Variants in IPMK observed in about 807,000 individuals in gnomAD.
The protein encoded by IPMK is inositol 1,3,4,6-tetrakisphosphate 5-kinase.
A neutral mutation model predicts 45.8 loss-of-function variants in IPMK; 17 were observed. The ratio of observed to expected loss-of-function variants is 0.37; its 90% CI spans 0.25 to 0.56. The LOEUF (loss-of-function observed/expected upper bound fraction) is 0.56, where lower values mean the gene tolerates loss of function less well. IPMK is among the 20% of genes least tolerant of loss of function. The pLI is 0.79. For missense variants in IPMK, 399 were observed against 498.0 expected, an observed-to-expected ratio of 0.80 and a Z score of 1.89; for synonymous variants, 180 against 184.3, an observed-to-expected ratio of 0.98 and a Z score of 0.19.
At chr10:58,220,492 CTA>C (rs1241388599) in intron 3 of IPMK, among the ~76,000 whole-genome samples, 7 of 152,196 alleles carry the variant, frequency 4.6e-5, no homozygotes, top group Non-Finnish European at 7.3e-5. Flanking sequence ...AATCTCAACT[CTA>C]TAATTTGCTA....
At chr10:58,237,279 T>A (rs1336582407) in intron 2 of IPMK, among the ~76,000 whole-genome samples, 1 of 152,108 alleles carries the variant, frequency 6.6e-6, no homozygotes, top group Non-Finnish European at 1.5e-5. Flanking sequence ...CCTTAACAGG[T>A]CATGTCTTCT....
intron 1 of IPMK, among the ~76,000 whole-genome samples, chr10:58,260,718 A>G (rs984156390): frequency 6.6e-6 from 1 of 152,208 alleles, no homozygotes; most frequent in African/African-American, 2.4e-5. Context: ...GGAAAAGCCT[A>G]GTAAACAATG....
At position 58,267,650 on chromosome 10, in the gene IPMK, A is replaced by T. The variant is rs1839173114; in HGVS notation, c.-39T>A. 7.0e-7 allele frequency: 1 copy of T among 1,418,850 alleles called. No individual in the cohort carries two copies. Among genetic ancestry groups the T allele is most frequent in the East Asian group, 2.5e-5 (1 of 40,396 alleles). The allele number at this position is 1,418,850 out of a possible 1,614,324, so 87.9% of individuals were successfully genotyped here. On this transcript the variant is annotated 5_prime_UTR_variant, in exon 1 of 6. Coordinates refer to ENST00000373935, the MANE Select transcript of IPMK (RefSeq NM_152230.5). ...AGCGGTAACGGCAGCGAGAGTAGGA[A>T]AAAAAATAGGGCGAGGGAGGGGGCG... is the stretch of plus-strand genomic sequence containing the variant.
intron 2 of IPMK, among the ~76,000 whole-genome samples, chr10:58,235,606 A>G (rs1013155514): frequency 1.3e-5 from 2 of 152,226 alleles, no homozygotes; most frequent in Non-Finnish European, 2.9e-5. Flanking sequence ...AATAGGTGGG[A>G]ATTGAACAAA....
intron 4 of IPMK, among the ~76,000 whole-genome samples, chr10:58,209,922 C>CAGT (rs1838132872): frequency 6.6e-6 from 1 of 152,192 alleles, no homozygotes. Context: ...GCAGTATTGG[C>CAGT]AGTAGGATCT....
chr10:58,257,849 T>C (rs1431917618), intron 1 of IPMK, among the ~76,000 whole-genome samples: 1 of 151,962 alleles, frequency 6.6e-6, no homozygotes, highest in African/African-American at 2.4e-5. Flanking sequence ...GAGAGACATA[T>C]CATAACAATA....
rs766345094 is a variant in IPMK, at chr10:58,196,365, T to C, written c.962A>G (p.His321Arg). ...ATGCTTTTTTGTATATATTTTCCTG[T>C]GACGCGCATACATCTTGGACAAGCT... is the stretch of plus-strand genomic sequence containing the variant. ...GKSLSKMYAR[H>R]RKIYTKKHHS... The change falls in exon 6 of 6, where the codon CAC becomes CGC. Residue 321 changes from histidine to arginine, a missense_variant. Coordinates refer to ENST00000373935, the MANE Select transcript of IPMK (RefSeq NM_152230.5). The C allele has an allele frequency of 6.2e-7, 1 of 1,614,188 alleles. No individual in the cohort carries two copies. Among genetic ancestry groups the C allele is most frequent in the Non-Finnish European group, 8.5e-7 (1 of 1,180,020 alleles).
At chr10:58,240,453 A>T in intron 1 of IPMK, among the ~76,000 whole-genome samples, 1 of 152,052 alleles carries the variant, frequency 6.6e-6, no homozygotes, top group East Asian at 1.9e-4. Flanking sequence ...TTGGGGTCCC[A>T]TAAAGAGAAA....
chr10:58,230,468 C>A (rs1373281923), intron 2 of IPMK, among the ~76,000 whole-genome samples: 2 of 152,150 alleles, frequency 1.3e-5, no homozygotes, highest in African/African-American at 4.8e-5. Context: ...AAGGATCAGG[C>A]AGCAATATTT....
intron 1 of IPMK, among the ~76,000 whole-genome samples, chr10:58,264,951 C>A (rs1270893184): frequency 2.0e-5 from 3 of 152,102 alleles, no homozygotes; most frequent in African/African-American, 4.8e-5. Context: ...AGTGATTGCC[C>A]CTGGGAGAAT....
At chr10:58,221,731 A>T (rs1352116258) in intron 3 of IPMK, among the ~76,000 whole-genome samples, 1 of 146,690 alleles carries the variant, frequency 6.8e-6, no homozygotes, top group African/African-American at 2.5e-5. Flanking sequence ...GCTAATTTTT[A>T]TTTTTTTTCT....
At chr10:58,197,741 T>C (rs954888885) in intron 5 of IPMK, among the ~76,000 whole-genome samples, 12 of 151,180 alleles carry the variant, frequency 7.9e-5, no homozygotes, top group African/African-American at 2.4e-4. Context: ...ACAGTAAAAT[T>C]ACTTGTTCGG....
chr10:58,196,199 A>C lies in IPMK; in HGVS notation c.1128T>G (p.Ile376Met). ...FYHLPTGCQE[I>M]AEVEVRMIDF... ...CTATCATTCGCACTTCTACTTCAGC[A>C]ATCTCTTGGCAACCAGTGGGAAGAT... The change falls in exon 6 of 6, where the codon ATT becomes ATG. Residue 376 changes from isoleucine to methionine, a missense_variant. By Grantham distance (10) the Ile-to-Met change is conservative. Coordinates refer to ENST00000373935, the MANE Select transcript of IPMK (RefSeq NM_152230.5). 1 of 1,614,158 alleles carries C rather than the reference A, an allele frequency of 6.2e-7. No homozygotes were observed. Among genetic ancestry groups the C allele is most frequent in the Non-Finnish European group, 8.5e-7 (1 of 1,180,012 alleles).
At chr10:58,219,004 A>G (rs1340964273) in intron 3 of IPMK, among the ~76,000 whole-genome samples, 1 of 152,164 alleles carries the variant, frequency 6.6e-6, no homozygotes, top group Admixed American at 6.5e-5. Context: ...GATGAATATC[A>G]TGGGTTTTAT....
chr10:58,230,534 G>T (rs769725071), intron 2 of IPMK, among the ~76,000 whole-genome samples: 1 of 152,144 alleles, frequency 6.6e-6, no homozygotes, highest in East Asian at 1.9e-4. Flanking sequence ...CCAGGCAAAC[G>T]GTCTGGAGTG....
intron 4 of IPMK, among the ~76,000 whole-genome samples, chr10:58,210,087 T>C (rs1289429616): frequency 6.7e-6 from 1 of 149,892 alleles, no homozygotes; most frequent in Non-Finnish European, 1.5e-5. Flanking sequence ...AGACTCTCCT[T>C]GGGTGGGGCT....
intron 3 of IPMK, among the ~76,000 whole-genome samples, chr10:58,226,767 G>T (rs187922332): frequency 6.6e-6 from 1 of 152,008 alleles, no homozygotes; most frequent in Non-Finnish European, 1.5e-5. Context: ...CAATAAATTA[G>T]GACAGAACAT....
At chr10:58,237,401 T>C (rs1461317277) in intron 2 of IPMK, among the ~76,000 whole-genome samples, 1 of 152,210 alleles carries the variant, frequency 6.6e-6, no homozygotes, top group East Asian at 1.9e-4. Context: ...AACCTTACCT[T>C]TGTAAATAGT....
intron 4 of IPMK, among the ~76,000 whole-genome samples, chr10:58,215,611 T>C (rs997704649): frequency 6.6e-6 from 1 of 152,072 alleles, no homozygotes; most frequent in Non-Finnish European, 1.5e-5. Context: ...GGTTTTGCCA[T>C]GTTGCCCAAG....
Sources: allele counts gnomAD v4.1 joint callset (sites outside exome capture counted in the v4.1 genomes callset), GRCh38; gene constraint gnomAD v4.1.1; transcripts MANE v1.5; gene names NCBI Gene and HGNC (gene_info 2026-07-23, HGNC 2026-07-21).